LTBP2: variants seen among roughly 807,000 people sequenced by gnomAD.
LTBP2 encodes the protein latent transforming growth factor beta binding protein 2.
LTBP2 carries 103 observed loss-of-function variants against 210.6 expected under a neutral mutation model. That is an observed-to-expected ratio of 0.49 (90% CI 0.42 to 0.58). The LOEUF is 0.58. LTBP2 is among the 20% of genes least tolerant of loss of function. LTBP2 has a pLI of 0.00. For missense variants in LTBP2, 2,313 were observed against 2,494.5 expected (o/e 0.93, Z 1.55); for synonymous variants, 1,007 against 1,015.0 (o/e 0.99, Z 0.15).
intron 3 of LTBP2, among the ~76,000 whole-genome samples, chr14:74,582,380 G>GCA (rs1188559173): frequency 1.6e-5 from 2 of 127,986 alleles, no homozygotes; most frequent in Admixed American, 8.4e-5. Flanking sequence ...CTGTGTACAT[G>GCA]CACACACACA....
chr14:74,604,174 A>AAAAAG (rs1555354152), intron 1 of LTBP2, among the ~76,000 whole-genome samples: 1 of 150,560 alleles, frequency 6.6e-6, no homozygotes, highest in Non-Finnish European at 1.5e-5. Flanking sequence ...CAAAAAAAAA[A>AAAAAG]AAAAAAAAAA....
At chr14:74,602,186 C>T (rs1214225155) in intron 2 of LTBP2, among the ~76,000 whole-genome samples, 1 of 152,186 alleles carries the variant, frequency 6.6e-6, no homozygotes, top group Non-Finnish European at 1.5e-5. Context: ...GGGTCCAGCC[C>T]GAGCTCAGCA....
chr14:74,504,277 C>T (rs1424559899), intron 30 of LTBP2, among the ~76,000 whole-genome samples: 1 of 152,210 alleles, frequency 6.6e-6, no homozygotes, highest in East Asian at 1.9e-4. Flanking sequence ...CAAAAAAGTG[C>T]ACGGCGTGTA....
intron 34 of LTBP2, chr14:74,501,841 C>G (rs1045387508): frequency 3.6e-6 from 2 of 551,714 alleles, no homozygotes; most frequent in African/African-American, 1.9e-5. Context: ...GAGGCTGAGA[C>G]TCGCTGCTTC....
intron 3 of LTBP2, among the ~76,000 whole-genome samples, chr14:74,578,094 G>A (rs2088085408): frequency 6.6e-6 from 1 of 152,038 alleles, no homozygotes; most frequent in Admixed American, 6.5e-5. Context: ...TGGAGCAGGA[G>A]CCAGGCTCAG....
chr14:74,525,283 T>C, intron 14 of LTBP2, 58 bp from the exon 15 acceptor site: 1 of 965,108 alleles, frequency 1.0e-6, no homozygotes, highest in Non-Finnish European at 1.4e-6. Context: ...CCATGGCCCT[T>C]CCCTCTTCCC....
At position 74,521,931 on chromosome 14, in the gene LTBP2, C is replaced by T; in HGVS notation, c.2768G>A (p.Gly923Glu). 1.9e-6 allele frequency: 3 copies of T among 1,614,164 alleles called. No individual in the cohort carries two copies. The highest frequency in any genetic ancestry group is 2.2e-5 in the East Asian group (1 of 44,874). ...CTTACCTTGACACTCCTGTGTCGCC[C>T]CTGAGGTGGCCAGAGTGTAGCCAGG... ...CYPGYTLATSGATQECQDINE... is the reference protein window; with the variant it reads ...CYPGYTLATSEATQECQDINE... The change falls in exon 17 of 36, where the codon GGG becomes GAG. Residue 923 changes from glycine (G) to glutamate (E), a missense_variant. Gly to Glu is a moderately conservative substitution (Grantham distance 98). This residue lies in a region of LTBP2 where 1,867 missense variants were observed against 1,976.9 expected (regional missense o/e 0.94). Coordinates refer to ENST00000261978, the MANE Select transcript of LTBP2 (RefSeq NM_000428.3).
intron 8 of LTBP2, among the ~76,000 whole-genome samples, chr14:74,547,537 T>C (rs1168522096): frequency 6.6e-6 from 1 of 152,028 alleles, no homozygotes; most frequent in African/African-American, 2.4e-5. Context: ...AGCCCACTCT[T>C]CCCCTTCATT....
Position 74,582,338 on chromosome 14 carries a change from T to C in LTBP2, c.830+3516A>G, listed in dbSNP as rs532397675. ...GACCACTGAGGCTGAGTCTGGGCTC[T>C]GATTTCTTCCCAGAACAGGTCTACA... is the stretch of plus-strand genomic sequence containing the variant. On this transcript the variant is annotated intron_variant, in intron 3 of 35. Transcript: ENST00000261978. Among the ~76,000 whole-genome samples the C allele has an allele frequency of 8.6e-5, 13 of 151,852 alleles. 1 individual carries two copies. The South Asian group carries it at 2.7e-3, about 32-fold the overall frequency.
intron 3 of LTBP2, among the ~76,000 whole-genome samples, chr14:74,575,209 A>G (rs576780987): frequency 2.4e-4 from 36 of 152,224 alleles, no homozygotes; most frequent in Non-Finnish European, 4.4e-4. Flanking sequence ...CCCTAAGGCC[A>G]GCCGTGGCCT....
rs772445934 is a variant in LTBP2, at chr14:74,502,830, G to A, written c.4993C>T (p.His1665Tyr). Residue 1665 changes from histidine (H) to tyrosine (Y), a missense_variant, in exon 34 of 36, where the codon CAC becomes TAC. This residue lies in a region of LTBP2 where 443 missense variants were observed against 501.4 expected (regional missense o/e 0.88). Coordinates refer to ENST00000261978, the MANE Select transcript of LTBP2 (RefSeq NM_000428.3). ...CCATCTGGGCCATAGATGCTGTAGT[G>A]CAGGTCATCGGGCCCGGGGCCATAC... ...YEYGPGPDDL[H>Y]YSIYGPDGAP... is the part of the protein sequence containing the mutation. The A allele has an allele frequency of 5.0e-6, 8 of 1,614,044 alleles. No individual in the cohort carries two copies. Among genetic ancestry groups the A allele is most frequent in the East Asian group, 2.2e-5 (1 of 44,894 alleles).
Position 74,507,195 on chromosome 14 carries a change from C to T in LTBP2, c.3891G>A (p.Pro1297=), listed in dbSNP as rs61738013. Reference sequence around the variant, plus strand: ...CCTACTCACCAATGCAGTCTCCGTTCGGGGCCATGTGGAAGCCAGGCTGGC... The same window carrying T: ...CCTACTCACCAATGCAGTCTCCGTTTGGGGCCATGTGGAAGCCAGGCTGGC... ...LGCQPGFHMA[P]NGDCIDIDEC... is the part of the protein sequence containing the mutation. The change falls in exon 26 of 36, where the codon CCG becomes CCA. Residue 1297 remains proline, a synonymous_variant. Coordinates refer to ENST00000261978, the MANE Select transcript of LTBP2 (RefSeq NM_000428.3). 1.3e-3 allele frequency: 2,123 copies of T among 1,614,180 alleles called. 18 individuals are homozygous for T. In the African/African-American group the frequency reaches 0.015, roughly 11 times the overall value.
At chr14:74,527,080 T>C (rs1320863145) in intron 13 of LTBP2, among the ~76,000 whole-genome samples, 1 of 152,236 alleles carries the variant, frequency 6.6e-6, no homozygotes, top group East Asian at 1.9e-4. Flanking sequence ...ACTTCCTTTC[T>C]GAAGGGGCCC....
intron 30 of LTBP2, among the ~76,000 whole-genome samples, chr14:74,504,472 C>T (rs899739145): frequency 6.6e-6 from 1 of 152,238 alleles, no homozygotes; most frequent in Admixed American, 6.5e-5. Flanking sequence ...GAGCAGTGCT[C>T]TCCACTCTGT....
chr14:74,595,662 CAG>C (rs1279485207), intron 2 of LTBP2, among the ~76,000 whole-genome samples: 1 of 152,206 alleles, frequency 6.6e-6, no homozygotes, highest in Non-Finnish European at 1.5e-5. Flanking sequence ...ACTGACAAAT[CAG>C]AGAGGCCAGG....
At position 74,502,692 on chromosome 14, in the gene LTBP2, G is replaced by A. The variant is rs1455626543; in HGVS notation, c.5131C>T (p.Pro1711Ser). Residue 1711 changes from proline to serine, a missense_variant, in exon 34 of 36, where the codon CCC (proline) becomes TCC (serine). This residue lies in a region of LTBP2 where 443 missense variants were observed against 501.4 expected (regional missense o/e 0.88). Coordinates refer to ENST00000261978, the MANE Select transcript of LTBP2 (RefSeq NM_000428.3). The stretch of plus-strand genomic sequence containing the variant: ...ACGTAGTGGGGCTGGAGTTCTGAGG[G>A]CTGCAAAGGAGACTCAAGGATGGGT... ...RTPILESPLQPSELQPHYVAS... is the reference protein window; with the variant it reads ...RTPILESPLQSSELQPHYVAS... 3 of 1,614,094 alleles carry A rather than the reference G, an allele frequency of 1.9e-6. No homozygotes were observed. The highest frequency in any genetic ancestry group is 2.5e-6 in the Non-Finnish European group (3 of 1,180,050).
At position 74,585,888 on chromosome 14, in the gene LTBP2, G is replaced by A; in HGVS notation, c.796C>T (p.Gln266Ter). The change falls in exon 3 of 36, where the codon CAG becomes TAG. Residue 266 changes from glutamine (Q) to a stop codon, truncating the protein, a stop_gained. Coordinates refer to ENST00000261978, the MANE Select transcript of LTBP2 (RefSeq NM_000428.3). LOFTEE classifies it high-confidence loss of function. ...TLARAQPPAP[Q>*]SPPAPQSPPA... is the part of the protein sequence containing the mutation. Reference sequence around the variant, plus strand: ...GGCGACTGTGGTGCGGGCGGCGACTGTGGTGCTGGCGGCTGTGCTCTGGCC... The same window carrying A: ...GGCGACTGTGGTGCGGGCGGCGACTATGGTGCTGGCGGCTGTGCTCTGGCC... 6.2e-7 allele frequency: 1 copy of A among 1,613,976 alleles called. No individual in the cohort carries two copies. Among genetic ancestry groups the A allele is most frequent in the Non-Finnish European group, 8.5e-7 (1 of 1,179,838 alleles).
intron 26 of LTBP2, 53 bp from the exon 27 acceptor site, chr14:74,506,876 T>TGTGCGCGC (rs1555347780): frequency 5.2e-6 from 7 of 1,334,772 alleles, no homozygotes; most frequent in Middle Eastern, 2.0e-4. Flanking sequence ...TGTGTGTGTG[T>TGTGCGCGC]GTGCGCGCGC....
intron 3 of LTBP2, among the ~76,000 whole-genome samples, chr14:74,559,086 A>G (rs1001941787): frequency 6.6e-6 from 1 of 152,264 alleles, no homozygotes; most frequent in Admixed American, 6.5e-5. Flanking sequence ...CAGAATTTTT[A>G]AATTGCAGAA....
Sources: allele counts gnomAD v4.1 joint callset (sites outside exome capture counted in the v4.1 genomes callset), GRCh38; gene constraint gnomAD v4.1.1; regional missense constraint gnomAD v4.1.1; transcripts MANE v1.5; gene names NCBI Gene and HGNC (gene_info 2026-07-23, HGNC 2026-07-21).